The following CAGE1 variants were observed in gnomAD, a reference collection of about 807,000 sequenced individuals.
CAGE1 encodes cancer-associated gene 1 protein.
Under a neutral mutation model 94.9 loss-of-function variants are expected in CAGE1, and 66 were observed. The observed-to-expected ratio is 0.70, with a 90% CI of 0.57 to 0.85. CAGE1 has a LOEUF of 0.85. Ranked by LOEUF, CAGE1 falls within the 40% of genes least tolerant of loss-of-function variation. The pLI is 0.00. For synonymous variants in CAGE1, 319 were observed against 321.0 expected (o/e 0.99, Z 0.07); for missense variants, 865 against 950.4 (o/e 0.91, Z 1.18).
At chr6:7,358,525 G>A (rs1466933805) in intron 9 of CAGE1, among the ~76,000 whole-genome samples, 2 of 152,098 alleles carry the variant, frequency 1.3e-5, no homozygotes, top group Non-Finnish European at 2.9e-5. Flanking sequence ...ATGAACATAT[G>A]CTTTCATTTC....
chr6:7,374,285 C>T (rs1036463589), intron 4 of CAGE1, among the ~76,000 whole-genome samples, 154 bp from the exon 5 acceptor site: 2 of 152,186 alleles, frequency 1.3e-5, no homozygotes, highest in African/African-American at 4.8e-5. Context: ...ATAATAATGC[C>T]TATTAACAAA....
At chr6:7,365,283 AAAT>A (rs2113432898) in intron 9 of CAGE1, among the ~76,000 whole-genome samples, 182 bp downstream of exon 9, 1 of 152,358 alleles carries the variant, frequency 6.6e-6, no homozygotes, top group African/African-American at 2.4e-5. Context: ...ACAATATTTA[AAAT>A]TTCAAAACCC....
intron 11 of CAGE1, among the ~76,000 whole-genome samples, chr6:7,337,872 T>C (rs541293020): frequency 6.6e-6 from 1 of 152,242 alleles, no homozygotes; most frequent in East Asian, 1.9e-4. Flanking sequence ...AATCAGCTTG[T>C]TAAGTTTATT....
At position 7,373,122 on chromosome 6, in the gene CAGE1, G is replaced by A. The variant is rs1169855749; in HGVS notation, c.1697C>T (p.Ala566Val). The A allele has an allele frequency of 6.2e-7, 1 of 1,612,852 alleles. No homozygotes were observed. Among genetic ancestry groups the A allele is most frequent in the South Asian group, 1.1e-5 (1 of 90,836 alleles). Reference sequence around the variant, plus strand: ...TTCCTCTAATTGATCCTTTAACTGAGCTGTCTCAAATTTAGGGACATAATT... The same window carrying A: ...TTCCTCTAATTGATCCTTTAACTGAACTGTCTCAAATTTAGGGACATAATT... Reference protein sequence around the residue: ...EQNYVPKFETAQLKDQLEEVL... With the variant: ...EQNYVPKFETVQLKDQLEEVL... The change falls in exon 5 of 14, where the codon GCT (alanine) becomes GTT (valine). Residue 566 changes from alanine (A) to valine (V), a missense_variant. Transcript: ENST00000502583.
chr6:7,374,235 G>T, intron 4 of CAGE1, 104 bp from the exon 5 acceptor site: 1 of 872,982 alleles, frequency 1.1e-6, no homozygotes, highest in Non-Finnish European at 1.8e-6. Context: ...TCCCCTGTTT[G>T]GCTTTCTCCG....
intron 11 of CAGE1, chr6:7,347,516 T>TGGGGGGGGGGGGGG (rs1292213281): frequency 4.0e-4 from 3 of 7,540 alleles, no homozygotes; most frequent in Admixed American, 2.6e-3. Context: ...GGGGGGGGGT[T>TGGGGGGGGGGGGGG]GGGGGGGGCG....
At chr6:7,344,285 G>C (rs1349420840) in intron 11 of CAGE1, among the ~76,000 whole-genome samples, 5 of 152,200 alleles carry the variant, frequency 3.3e-5, no homozygotes. Context: ...CCGGGTAGGC[G>C]TGGGCTTGGC....
intron 11 of CAGE1, among the ~76,000 whole-genome samples, chr6:7,337,674 G>GCA (rs1374829327): frequency 6.6e-6 from 1 of 152,144 alleles, no homozygotes; most frequent in Non-Finnish European, 1.5e-5. Context: ...GTCCATATAT[G>GCA]CATGGGTCCA....
intron 9 of CAGE1, among the ~76,000 whole-genome samples, chr6:7,361,238 C>G (rs559103164): frequency 6.6e-6 from 1 of 152,136 alleles, no homozygotes; most frequent in Admixed American, 6.6e-5. Flanking sequence ...CCAAGTGAAA[C>G]AACCATGTCT....
At chr6:7,375,148 T>C (rs1760692059) in intron 4 of CAGE1, among the ~76,000 whole-genome samples, 1 of 151,948 alleles carries the variant, frequency 6.6e-6, no homozygotes, top group Admixed American at 6.6e-5. Context: ...CAGTGGCTCA[T>C]GCTTGTAATC....
intron 11 of CAGE1, among the ~76,000 whole-genome samples, chr6:7,344,789 C>G (rs975668911): frequency 1.3e-5 from 2 of 152,200 alleles, no homozygotes; most frequent in African/African-American, 4.8e-5. Context: ...AATCAGCACC[C>G]TGTGTGTAGC....
chr6:7,369,884 C>T, intron 6 of CAGE1, 35 bp downstream of exon 6: 1 of 1,560,260 alleles, frequency 6.4e-7, no homozygotes. Context: ...TTTATTCCTC[C>T]CCTACTAAAA....
At chr6:7,344,976 C>T (rs900507886) in intron 11 of CAGE1, among the ~76,000 whole-genome samples, 49 of 152,164 alleles carry the variant, frequency 3.2e-4, no homozygotes, top group African/African-American at 1.0e-3. Flanking sequence ...ACAGGCCACT[C>T]GGCTCTACCA....
intron 9 of CAGE1, among the ~76,000 whole-genome samples, chr6:7,358,719 C>T (rs1760067369): frequency 6.6e-6 from 1 of 152,066 alleles, no homozygotes; most frequent in African/African-American, 2.4e-5. Flanking sequence ...GTGATGTGCA[C>T]CTGTAGTCCC....
chr6:7,341,051 T>C (rs1259581991), intron 11 of CAGE1: 8 of 483,052 alleles, frequency 1.7e-5, no homozygotes, highest in East Asian at 1.5e-4. Context: ...TTCAAGTTGA[T>C]CCAGATATAG....
intron 1 of CAGE1, 21 bp from the exon 2 acceptor site, chr6:7,387,217 T>C: frequency 1.4e-6 from 2 of 1,434,588 alleles, no homozygotes; most frequent in Non-Finnish European, 1.9e-6. Context: ...AAAATGTGTC[T>C]ATTAGTAGGT....
chr6:7,364,278 G>A (rs1343065445), intron 9 of CAGE1, among the ~76,000 whole-genome samples: 1 of 152,122 alleles, frequency 6.6e-6, no homozygotes, highest in Non-Finnish European at 1.5e-5. Context: ...TATCCACTCT[G>A]TTAGATGCCA....
At chr6:7,352,244 C>T (rs570317158) in intron 11 of CAGE1, among the ~76,000 whole-genome samples, 1 of 121,206 alleles carries the variant, frequency 8.3e-6, no homozygotes, top group African/African-American at 3.1e-5. Context: ...CAACAGCGAC[C>T]AAGTGGAGAA....
rs1435253815 is a variant in CAGE1, at chr6:7,362,432, C to G, written c.2193+3036G>C. ...TGACTGTATCAGTGTCTTCCTGGACCAGGAGACATTTTGCACTTGACAGTT... is the reference window on the plus strand; with the variant it reads ...TGACTGTATCAGTGTCTTCCTGGACGAGGAGACATTTTGCACTTGACAGTT... On this transcript the variant is annotated intron_variant, in intron 9 of 13. Transcript: ENST00000502583. The surrounding 1 kb of genome is among the most constrained non-coding windows in gnomAD (Gnocchi z 4.1). 6.6e-6 allele frequency among the ~76,000 whole-genome samples: 1 copy of G among 152,112 alleles called. No homozygotes were observed. Among genetic ancestry groups the G allele is most frequent in the Non-Finnish European group, 1.5e-5 (1 of 68,028 alleles).
Sources: allele counts gnomAD v4.1 joint callset (sites outside exome capture counted in the v4.1 genomes callset), GRCh38; gene constraint gnomAD v4.1.1; non-coding constraint Gnocchi (gnomAD v3.1); transcripts MANE v1.5; gene names NCBI Gene and HGNC (gene_info 2026-07-23, HGNC 2026-07-21).